Variants in PPIC observed in about 807,000 individuals in gnomAD.
PPIC encodes peptidylprolyl isomerase C, also known as peptidyl-prolyl cis-trans isomerase C.
Under a neutral mutation model 19.5 loss-of-function variants are expected in PPIC, and 19 were observed. The observed-to-expected ratio is 0.98, with a 90% confidence interval of 0.68 to 1.43. The LOEUF is 1.43. Ranked by LOEUF, PPIC falls within the 40% of genes most tolerant of loss-of-function variation. PPIC has a pLI of 0.00. For synonymous variants in PPIC, 107 were observed against 101.2 expected (o/e 1.06, Z -0.34); for missense variants, 268 against 268.6 (o/e 1.00, Z 0.02).
At chr5:123,031,679 C>T (rs1183209818) in intron 1 of PPIC, among the ~76,000 whole-genome samples, 1 of 152,158 alleles carries the variant, frequency 6.6e-6, no homozygotes, top group East Asian at 1.9e-4. Context: ...GGGAATGTTA[C>T]TCAAACGGAG....
Position 123,036,364 on chromosome 5 carries a change from C to A in PPIC, c.117+145G>T. 1 of 736,866 alleles carries A rather than the reference C, an allele frequency of 1.4e-6. No individual in the cohort carries two copies. The highest frequency in any genetic ancestry group is 2.3e-6 in the Non-Finnish European group (1 of 440,794). 45.6% of individuals were successfully genotyped at this position (736,866 alleles called of 1,614,324 possible). A position where few individuals can be genotyped will look rare whatever the true frequency, so the allele number is the denominator to read the frequency against. On this transcript the variant is annotated intron_variant, in intron 1 of 4. Coordinates refer to ENST00000306442, the MANE Select transcript of PPIC (RefSeq NM_000943.5). This position sits in a 1 kb window ranked among gnomAD's most constrained non-coding sequence, Gnocchi z 4.5. ...CTCCCAGCACGCGAGCAGCCCCCTCCCACCCAGTCCCGCGGCCGCCTCCAG... is the reference window on the plus strand; with the variant it reads ...CTCCCAGCACGCGAGCAGCCCCCTCACACCCAGTCCCGCGGCCGCCTCCAG...
chr5:123,029,238 A>T, intron 2 of PPIC, 67 bp downstream of exon 2: 1 of 1,613,104 alleles, frequency 6.2e-7, no homozygotes, highest in Non-Finnish European at 8.5e-7. Context: ...ATTTTCTCAG[A>T]TGACATCTTT....
chr5:123,030,557 C>T (rs939499560), intron 1 of PPIC, among the ~76,000 whole-genome samples: 1 of 152,216 alleles, frequency 6.6e-6, no homozygotes, highest in Non-Finnish European at 1.5e-5. Context: ...TACATCAGTA[C>T]ATCTGTCACA....
intron 2 of PPIC, 57 bp from the exon 3 acceptor site, chr5:123,028,925 C>T: frequency 7.2e-7 from 1 of 1,397,640 alleles, no homozygotes. Flanking sequence ...GAAAGATAAA[C>T]TCAGTGTTGA....
chr5:123,033,235 C>A (rs908941164), intron 1 of PPIC, among the ~76,000 whole-genome samples: 5 of 152,204 alleles, frequency 3.3e-5, no homozygotes, highest in Non-Finnish European at 5.9e-5. Flanking sequence ...CAAGTGACTT[C>A]TGAAATCAGG....
At chr5:123,030,227 G>A (rs1762924241) in intron 1 of PPIC, among the ~76,000 whole-genome samples, 1 of 152,192 alleles carries the variant, frequency 6.6e-6, no homozygotes, top group South Asian at 2.1e-4. Flanking sequence ...CCTTTTGCAG[G>A]TAAAACCATA....
intron 3 of PPIC, among the ~76,000 whole-genome samples, chr5:123,027,672 T>C (rs971052153): frequency 3.3e-5 from 5 of 152,196 alleles, no homozygotes; most frequent in African/African-American, 9.6e-5. Flanking sequence ...CACTTAATAG[T>C]AGCCATTTTT....
chr5:123,029,356 T>A lies in PPIC; in HGVS notation c.180A>T (p.Gly60=). Residue 60 remains glycine (G), a synonymous_variant, in exon 2 of 5, where the codon GGA becomes GGT. Transcript: ENST00000306442. ...TTTCCACTGTCTTGGGCACAACTTT[T>A]CCAAAGAGGCCAATCACAATTCTGC... ...DVGRIVIGLF[G]KVVPKTVENF... is the part of the protein sequence containing the mutation. 6.2e-7 allele frequency: 1 copy of A among 1,612,196 alleles called. No individual in the cohort carries two copies.
chr5:123,036,697 T>G lies in PPIC; in HGVS notation c.-72A>C, dbSNP rs1430613885. On this transcript the variant is annotated 5_prime_UTR_variant, in exon 1 of 5. Transcript: ENST00000306442. The surrounding 1 kb of genome is among the most constrained non-coding windows in gnomAD (Gnocchi z 4.5). The stretch of plus-strand genomic sequence containing the variant: ...GGCGCGACACAGGCTCTGGGACAGC[T>G]GACGGGACTGCCGGCCGGCTGCGCC... 4.5e-6 allele frequency: 6 copies of G among 1,338,874 alleles called. No individual in the cohort carries two copies. The highest frequency in any genetic ancestry group is 5.1e-6 in the Non-Finnish European group (5 of 974,246). 82.9% of individuals were successfully genotyped at this position (1,338,874 alleles called of 1,614,324 possible).
At chr5:123,027,762 C>T (rs539409794) in intron 3 of PPIC, among the ~76,000 whole-genome samples, 10 of 152,148 alleles carry the variant, frequency 6.6e-5, no homozygotes, top group African/African-American at 2.2e-4. Flanking sequence ...AAATGGACAA[C>T]AAATATCCAC....
At chr5:123,028,977 A>G (rs1015540680) in intron 2 of PPIC, 109 bp from the exon 3 acceptor site, 6 of 1,021,774 alleles carry the variant, frequency 5.9e-6, no homozygotes, top group Non-Finnish European at 8.5e-6. Flanking sequence ...AAATGCCTAC[A>G]GAACTTGATT....
In PPIC at chr5:123,036,295, T is replaced by C; in HGVS notation, c.117+214A>G. The C allele has an allele frequency of 1.7e-6, 1 of 573,206 alleles. No individual in the cohort carries two copies. The highest frequency in any genetic ancestry group is 2.0e-5 in the South Asian group (1 of 49,052). 35.5% of individuals were successfully genotyped at this position (573,206 alleles called of 1,614,324 possible). A position where few individuals can be genotyped will look rare whatever the true frequency, so the allele number is the denominator to read the frequency against. On this transcript the variant is annotated intron_variant, in intron 1 of 4. Transcript: ENST00000306442. The surrounding 1 kb of genome is among the most constrained non-coding windows in gnomAD (Gnocchi z 4.5). ...CAAGCAGACTGCGGCGGAGGTAGGC[T>C]GGCCTCAGCCCAGCTCCCCCAGGGT...
In PPIC at chr5:123,023,751, G is replaced by C. The variant is rs1762800065; in HGVS notation, c.*124C>G. 1.2e-5 allele frequency: 17 copies of C among 1,364,018 alleles called. No individual in the cohort carries two copies. The highest frequency in any genetic ancestry group is 5.6e-4 in the Middle Eastern group (2 of 3,600). 84.5% of individuals were successfully genotyped at this position (1,364,018 alleles called of 1,614,324 possible). A position where few individuals can be genotyped will look rare whatever the true frequency, so the allele number is the denominator to read the frequency against. ...ATTTTTATAACTTTCCTGTGATCTG[G>C]GATAGAATACAAAAAGAAAGTAAAA... On this transcript the variant is annotated 3_prime_UTR_variant, in exon 5 of 5. Coordinates refer to ENST00000306442, the MANE Select transcript of PPIC (RefSeq NM_000943.5).
chr5:123,027,364 A>G (rs1762874953), intron 3 of PPIC, among the ~76,000 whole-genome samples: 1 of 152,206 alleles, frequency 6.6e-6, no homozygotes, highest in South Asian at 2.1e-4. Flanking sequence ...TTAATGCAAG[A>G]TGCACACTGG....
chr5:123,025,802 T>G lies in PPIC; in HGVS notation c.492A>C (p.Gly164=), dbSNP rs1251090243. 1 of 1,613,264 alleles carries G rather than the reference T, an allele frequency of 6.2e-7. No homozygotes were observed. Among genetic ancestry groups the G allele is most frequent in the East Asian group, 2.2e-5 (1 of 44,880 alleles). ...AATTTACCATCCCATCAATGACTTTTCCAAACACCACATGTTTGCCGTCCA... is the reference window on the plus strand; with the variant it reads ...AATTTACCATCCCATCAATGACTTTGCCAAACACCACATGTTTGCCGTCCA... ...TWLDGKHVVF[G]KVIDGMTVVH... The change falls in exon 4 of 5, where the codon GGA becomes GGC. Residue 164 remains glycine (G), a synonymous_variant. Coordinates refer to ENST00000306442, the MANE Select transcript of PPIC (RefSeq NM_000943.5).
chr5:123,031,446 C>A (rs1762939936), intron 1 of PPIC, among the ~76,000 whole-genome samples: 1 of 152,082 alleles, frequency 6.6e-6, no homozygotes, highest in African/African-American at 2.4e-5. Context: ...GTGAGCCTTG[C>A]CTGGCAGACT....
At chr5:123,025,687 GA>G in intron 4 of PPIC, 96 bp downstream of exon 4, 1 of 1,269,964 alleles carries the variant, frequency 7.9e-7, no homozygotes, top group South Asian at 1.4e-5. Context: ...CTATATAATG[GA>G]TCTCTAACAA....
chr5:123,036,597 G>A lies in PPIC; in HGVS notation c.29C>T (p.Pro10Leu), dbSNP rs1429832402. 2 of 1,595,586 alleles carry A rather than the reference G, an allele frequency of 1.3e-6. No individual in the cohort carries two copies. The highest frequency in any genetic ancestry group is 2.3e-5 in the South Asian group (2 of 88,226). MGPGPRLLLPLVLCVGLGAL... is the reference protein window; with the variant it reads MGPGPRLLLLLVLCVGLGAL... Reference sequence around the variant, plus strand: ...GCCGAGCCCCACGCAAAGCACGAGAGGTAGCAGCAGCCGAGGACCCGGGCC... The same window carrying A: ...GCCGAGCCCCACGCAAAGCACGAGAAGTAGCAGCAGCCGAGGACCCGGGCC... Residue 10 changes from proline (P) to leucine (L), a missense_variant, in exon 1 of 5, where the codon CCT becomes CTT. By Grantham distance (98) the Pro-to-Leu change is moderately conservative. Coordinates refer to ENST00000306442, the MANE Select transcript of PPIC (RefSeq NM_000943.5). The surrounding 1 kb of genome is among the most constrained non-coding windows in gnomAD (Gnocchi z 4.5).
intron 1 of PPIC, among the ~76,000 whole-genome samples, chr5:123,030,550 A>C (rs1249621390): frequency 3.3e-5 from 5 of 152,256 alleles, no homozygotes; most frequent in Non-Finnish European, 5.9e-5. Context: ...CTGCCAATAC[A>C]TCAGTACATC....
Sources: allele counts gnomAD v4.1 joint callset (sites outside exome capture counted in the v4.1 genomes callset), GRCh38; gene constraint gnomAD v4.1.1; non-coding constraint Gnocchi (gnomAD v3.1); transcripts MANE v1.5; gene names NCBI Gene and HGNC (gene_info 2026-07-23, HGNC 2026-07-21).